CPLX2: variants seen among roughly 807,000 people sequenced by gnomAD.
CPLX2 encodes complexin 2, also known as complexin-2.
In CPLX2, 5 loss-of-function variants were observed where a neutral mutation model predicts 16.3. The observed-to-expected ratio is 0.31, with a 90% CI of 0.16 to 0.64. The LOEUF is 0.64. Ranked by LOEUF, CPLX2 falls within the 30% of genes least tolerant of loss-of-function variation. The pLI is 0.79. For missense variants in CPLX2, 144 were observed against 181.4 expected (o/e 0.79, Z 1.18); for synonymous variants, 89 against 73.2 (o/e 1.22, Z -1.10).
chr5:175,800,606 C>T (rs185930526), intron 1 of CPLX2, among the ~76,000 whole-genome samples: 3 of 152,262 alleles, frequency 2.0e-5, no homozygotes, highest in Admixed American at 2.0e-4. Flanking sequence ...TGGGATGAGA[C>T]TGACTTAGAT....
chr5:175,816,141 C>A (rs1486847852), intron 2 of CPLX2, among the ~76,000 whole-genome samples: 2 of 152,028 alleles, frequency 1.3e-5, no homozygotes, highest in Admixed American at 1.3e-4. Flanking sequence ...TATGCAGCAG[C>A]GGAAGAGAGT....
At chr5:175,875,205 G>A (rs1461997778) in intron 1 of CPLX2, among the ~76,000 whole-genome samples, 1 of 152,186 alleles carries the variant, frequency 6.6e-6, no homozygotes. Context: ...AGTGAGAGGG[G>A]TGGGATTAAG....
chr5:175,856,531 G>C (rs761586384), intron 2 of CPLX2, among the ~76,000 whole-genome samples: 1 of 152,210 alleles, frequency 6.6e-6, no homozygotes, highest in Non-Finnish European at 1.5e-5. Flanking sequence ...CAACCCAGCA[G>C]CCCAAGTGGA....
rs75714397 is a variant in CPLX2, at chr5:175,877,237, T to C, written c.-88-1415T>C. Among the ~76,000 whole-genome samples, 3 of 150,448 alleles carry C rather than the reference T, an allele frequency of 2.0e-5. No individual in the cohort carries two copies. In the East Asian group the frequency reaches 5.8e-4, roughly 29 times the overall value. ...TGTGTTTTGCTTTTTTTTTTTTTTT[T>C]TCCTACACATCATGACTTTCTCTTC... is the stretch of plus-strand genomic sequence containing the variant. On this transcript the variant is annotated intron_variant, in intron 1 of 3. Coordinates refer to ENST00000393745, the MANE Select transcript of CPLX2 (RefSeq NM_001008220.2).
At chr5:175,803,428 G>A (rs1378802548) in intron 1 of CPLX2, among the ~76,000 whole-genome samples, 1 of 152,206 alleles carries the variant, frequency 6.6e-6, no homozygotes, top group Admixed American at 6.5e-5. Context: ...GTGCCGAGGA[G>A]GATGAGGCTG....
At chr5:175,826,035 G>A (rs1033304091) in intron 2 of CPLX2, among the ~76,000 whole-genome samples, 5 of 151,250 alleles carry the variant, frequency 3.3e-5, no homozygotes, top group African/African-American at 1.2e-4. Flanking sequence ...TGCCAGTGGT[G>A]TGGGCTGGGC....
chr5:175,878,630 G>A lies in CPLX2; in HGVS notation c.-88-22G>A, dbSNP rs1036585285. ...GCCTGTGCAGAGGCCTCTCCCATCT[G>A]ACTCCCAATTCTCTTCTGCAGGTTG... On this transcript the variant is annotated intron_variant, in intron 1 of 3. Coordinates refer to ENST00000393745, the MANE Select transcript of CPLX2 (RefSeq NM_001008220.2). 5 of 1,303,750 alleles carry A rather than the reference G, an allele frequency of 3.8e-6. No individual in the cohort carries two copies. The African/African-American group carries it at 7.2e-5, about 19-fold the overall frequency. 80.8% of individuals were successfully genotyped at this position (1,303,750 alleles called of 1,614,324 possible). A position where few individuals can be genotyped will look rare whatever the true frequency, so the allele number is the denominator to read the frequency against.
At chr5:175,847,646 T>C (rs981519163) in intron 2 of CPLX2, among the ~76,000 whole-genome samples, 12 of 151,866 alleles carry the variant, frequency 7.9e-5, no homozygotes, top group African/African-American at 2.9e-4. Flanking sequence ...GAACGGGAGG[T>C]CCTGCTTAGC....
In CPLX2 at chr5:175,806,493, A is replaced by C. The variant is rs375964025; in HGVS notation, c.-168-2496A>C. 3.7e-3 allele frequency among the ~76,000 whole-genome samples: 562 copies of C among 151,976 alleles called. 5 individuals are homozygous for C. Among genetic ancestry groups the C allele is most frequent in the South Asian group, 0.025 (121 of 4,796 alleles). ...TGCTCGTGTCCCCATTCGGCTGTGA[A>C]CTTTTTTTGTTTTTGAGACAGAGTT... On this transcript the variant is annotated intron_variant, in intron 1 of 4. Transcript: ENST00000359546.
At chr5:175,867,296 T>C (rs1759494608), upstream of CPLX2, among the ~76,000 whole-genome samples, 1 of 152,072 alleles carries the variant, frequency 6.6e-6, no homozygotes. Flanking sequence ...ACAATAGCAG[T>C]GACACATGTT....
intron 2 of CPLX2, among the ~76,000 whole-genome samples, chr5:175,813,756 T>C (rs1374885138): frequency 6.6e-6 from 1 of 152,222 alleles, no homozygotes; most frequent in Admixed American, 6.5e-5. Context: ...TAAATAGCAC[T>C]GGGAGAGAAT....
At chr5:175,821,469 G>A (rs752687411) in intron 2 of CPLX2, among the ~76,000 whole-genome samples, 5 of 151,972 alleles carry the variant, frequency 3.3e-5, no homozygotes, top group Admixed American at 6.6e-5. Context: ...GTGCAATGGC[G>A]CGATCTCGGC....
intron 2 of CPLX2, among the ~76,000 whole-genome samples, chr5:175,853,960 C>A (rs1377926463): frequency 6.6e-6 from 1 of 152,202 alleles, no homozygotes; most frequent in Non-Finnish European, 1.5e-5. Flanking sequence ...CCTGTTCCTC[C>A]ATGGCAGGCA....
chr5:175,862,076 T>C (rs918642492), intron 2 of CPLX2, among the ~76,000 whole-genome samples: 2 of 152,204 alleles, frequency 1.3e-5, no homozygotes. Context: ...ACCCTGCCCC[T>C]GGGTGTGTTT....
At chr5:175,840,846 T>C (rs906939505) in intron 2 of CPLX2, among the ~76,000 whole-genome samples, 12 of 152,182 alleles carry the variant, frequency 7.9e-5, no homozygotes, top group African/African-American at 2.7e-4. Context: ...CAGCACATGG[T>C]GTGACAAGAC....
intron 2 of CPLX2, among the ~76,000 whole-genome samples, chr5:175,846,725 C>G (rs1759050312): frequency 6.6e-6 from 1 of 152,136 alleles, no homozygotes; most frequent in Non-Finnish European, 1.5e-5. Context: ...CTGCCTCAGC[C>G]CCCCAACTCA....
chr5:175,866,881 T>G (rs961652785), upstream of CPLX2, among the ~76,000 whole-genome samples: 1 of 152,116 alleles, frequency 6.6e-6, no homozygotes, highest in Non-Finnish European at 1.5e-5. Flanking sequence ...AAGACTAGCC[T>G]GGGCAACATA....
At chr5:175,812,607 G>C (rs10866688) in intron 2 of CPLX2, among the ~76,000 whole-genome samples, 124,753 of 152,124 alleles carry the variant, frequency 0.82, 51,259 homozygotes, top group East Asian at 0.93. Context: ...GAAAAAATAA[G>C]ATAGACCCAG....
At chr5:175,819,586 C>T (rs1484953748) in intron 2 of CPLX2, among the ~76,000 whole-genome samples, 3 of 152,126 alleles carry the variant, frequency 2.0e-5, no homozygotes, top group African/African-American at 4.8e-5. Flanking sequence ...GGTCAAGGGC[C>T]GCCTTTCATT....
Sources: gnomAD v4.1 joint callset for allele counts (sites outside exome capture counted in the v4.1 genomes callset) on GRCh38, gnomAD v4.1.1 for gene constraint, MANE v1.5 for transcripts, NCBI Gene and HGNC (gene_info 2026-07-23, HGNC 2026-07-21) for gene names.